DSCAM: variants seen among roughly 807,000 people sequenced by gnomAD.
DSCAM encodes cell adhesion molecule DSCAM.
DSCAM carries 47 observed loss-of-function variants against 217.7 expected under a neutral mutation model. The ratio of observed to expected loss-of-function variants is 0.22; its 90% CI spans 0.17 to 0.28. The LOEUF is 0.28. DSCAM is among the 10% of genes least tolerant of loss of function. The pLI is 1.00. For synonymous variants in DSCAM, 1,056 were observed against 1,015.3 expected (o/e 1.04, Z -0.76); for missense variants, 2,080 against 2,618.3 (o/e 0.79, Z 4.49).
intron 11 of DSCAM, among the ~76,000 whole-genome samples, chr21:40,218,442 G>T (rs972244272): frequency 2.0e-5 from 3 of 152,074 alleles, no homozygotes; most frequent in Admixed American, 2.0e-4. Flanking sequence ...TTCCAGCTTT[G>T]TTCTTTTTGC....
chr21:40,512,047 T>C (rs2076263399), intron 3 of DSCAM, among the ~76,000 whole-genome samples: 1 of 145,766 alleles, frequency 6.9e-6, no homozygotes, highest in South Asian at 2.2e-4. Context: ...GGGGAAACAC[T>C]TGCATGCAAA....
intron 3 of DSCAM, among the ~76,000 whole-genome samples, chr21:40,664,143 A>T (rs940427491): frequency 6.6e-6 from 1 of 152,102 alleles, no homozygotes; most frequent in Admixed American, 6.5e-5. Context: ...CCTCTTATCC[A>T]TAGTCCGGGA....
chr21:40,142,847 A>G (rs930499908), intron 17 of DSCAM, 143 bp from the exon 18 acceptor site: 3 of 951,230 alleles, frequency 3.2e-6, no homozygotes, highest in Non-Finnish European at 4.7e-6. Context: ...AATAACAAAG[A>G]TCACTTCCCT....
chr21:40,403,662 C>CACA (rs575460285), intron 3 of DSCAM, among the ~76,000 whole-genome samples: 1 of 141,812 alleles, frequency 7.1e-6, no homozygotes, highest in Non-Finnish European at 1.6e-5. Context: ...CACACACACA[C>CACA]AATACACATG....
At chr21:40,785,584 A>G (rs577295796) in intron 1 of DSCAM, among the ~76,000 whole-genome samples, 6 of 152,238 alleles carry the variant, frequency 3.9e-5, no homozygotes, top group Non-Finnish European at 8.8e-5. Flanking sequence ...TCTTGTACAT[A>G]TCTTTCAGTT....
At chr21:40,732,508 A>G (rs2091023111) in intron 1 of DSCAM, among the ~76,000 whole-genome samples, 1 of 152,240 alleles carries the variant, frequency 6.6e-6, no homozygotes, top group African/African-American at 2.4e-5. Flanking sequence ...CTGATTCAAT[A>G]ACTTCATCTC....
chr21:40,629,076 GGTGTGTGTGTGTGTGTGTGTGT>G (rs57351838), intron 3 of DSCAM, among the ~76,000 whole-genome samples: 8 of 144,254 alleles, frequency 5.5e-5, no homozygotes, highest in East Asian at 2.0e-4. Flanking sequence ...GTGTGTGTGT[GGTGTGTGTGTGTGTGTGTGTGT>G]GTGTGTGTGT....
At chr21:40,636,812 G>C (rs1031936085) in intron 3 of DSCAM, among the ~76,000 whole-genome samples, 7 of 140,090 alleles carry the variant, frequency 5.0e-5, no homozygotes, top group African/African-American at 1.9e-4. Context: ...TCCATAGCTT[G>C]AGGATATGCT....
At chr21:40,415,350 T>C (rs1005702749) in intron 3 of DSCAM, among the ~76,000 whole-genome samples, 12 of 152,232 alleles carry the variant, frequency 7.9e-5, no homozygotes, top group African/African-American at 2.4e-4. Flanking sequence ...TAACAGAGCG[T>C]GCCAAAAGTT....
intron 18 of DSCAM, among the ~76,000 whole-genome samples, chr21:40,139,042 G>A (rs2090254409): frequency 6.8e-6 from 1 of 146,592 alleles, no homozygotes; most frequent in Admixed American, 6.8e-5. Flanking sequence ...TGTAGTGTGT[G>A]TTGTGTGTGT....
intron 32 of DSCAM, among the ~76,000 whole-genome samples, chr21:40,014,775 TC>T (rs1287228162): frequency 1.3e-5 from 2 of 152,368 alleles, no homozygotes; most frequent in African/African-American, 4.8e-5. Flanking sequence ...GTGTGTCTAA[TC>T]TGTCTTGCTA....
At chr21:40,372,902 G>GT (rs2123706941) in intron 3 of DSCAM, among the ~76,000 whole-genome samples, 1 of 152,310 alleles carries the variant, frequency 6.6e-6, no homozygotes, top group African/African-American at 2.4e-5. Context: ...AGCGCTTGGT[G>GT]TCAGTTCAGT....
intron 3 of DSCAM, among the ~76,000 whole-genome samples, chr21:40,650,070 T>C (rs1159619194): frequency 6.6e-6 from 1 of 152,168 alleles, no homozygotes; most frequent in African/African-American, 2.4e-5. Context: ...AGGGGAGAAG[T>C]GAGCAATCAC....
At chr21:40,353,258 C>T (rs890282482) in intron 5 of DSCAM, among the ~76,000 whole-genome samples, 1 of 152,112 alleles carries the variant, frequency 6.6e-6, no homozygotes, top group African/African-American at 2.4e-5. Context: ...AAATCAAATC[C>T]GACAGCCAAG....
At chr21:40,636,284 G>T (rs942753557) in intron 3 of DSCAM, among the ~76,000 whole-genome samples, 1 of 152,004 alleles carries the variant, frequency 6.6e-6, no homozygotes, top group Non-Finnish European at 1.5e-5. Flanking sequence ...GCATACTGTG[G>T]TTCTCGGGGG....
intron 32 of DSCAM, among the ~76,000 whole-genome samples, chr21:40,022,718 T>C (rs969152706): frequency 3.9e-5 from 6 of 152,220 alleles, no homozygotes; most frequent in African/African-American, 1.2e-4. Context: ...CCAGGTAGTT[T>C]TGTGACCCTT....
At chr21:40,262,017 C>T (rs1349766245) in intron 11 of DSCAM, among the ~76,000 whole-genome samples, 1 of 152,070 alleles carries the variant, frequency 6.6e-6, no homozygotes, top group Non-Finnish European at 1.5e-5. Flanking sequence ...TTCTCTCTCT[C>T]TCTCTTTCCC....
chr21:40,797,808 T>C lies in DSCAM; in HGVS notation c.43+48811A>G, dbSNP rs746928885. ...TCTCTACCTTGATAGAAAGAAATCATTTTTTTCTTCAAATTTAATACAGTT... is the reference window on the plus strand; with the variant it reads ...TCTCTACCTTGATAGAAAGAAATCACTTTTTTCTTCAAATTTAATACAGTT... On this transcript the variant is annotated intron_variant, in intron 1 of 32. Coordinates refer to ENST00000400454, the MANE Select transcript of DSCAM (RefSeq NM_001389.5). 3.9e-4 allele frequency among the ~76,000 whole-genome samples: 59 copies of C among 152,276 alleles called. 2 individuals are homozygous for C. Among genetic ancestry groups the C allele is most frequent in the South Asian group, 2.1e-3 (10 of 4,828 alleles).
chr21:40,552,966 ATT>A (rs35702988), intron 3 of DSCAM, among the ~76,000 whole-genome samples: 1 of 151,962 alleles, frequency 6.6e-6, no homozygotes, highest in African/African-American at 2.4e-5. Flanking sequence ...CAGCTTTCTA[ATT>A]TTTTTAAGAC....
Sources: allele counts gnomAD v4.1 joint callset (sites outside exome capture counted in the v4.1 genomes callset), GRCh38; gene constraint gnomAD v4.1.1; transcripts MANE v1.5; gene names NCBI Gene and HGNC (gene_info 2026-07-23, HGNC 2026-07-21).